Variants in VPS53 observed in about 807,000 individuals in gnomAD.
The protein encoded by VPS53 is vacuolar protein sorting-associated protein 53 homolog.
VPS53 carries 70 observed loss-of-function variants against 107.0 expected under a neutral mutation model. The ratio of observed to expected loss-of-function variants is 0.65; its 90% CI spans 0.54 to 0.80. VPS53 has a LOEUF of 0.80. VPS53 is among the 30% of genes least tolerant of loss of function. VPS53 has a pLI of 0.00. For synonymous variants in VPS53, 409 were observed against 393.3 expected (o/e 1.04, Z -0.47); for missense variants, 917 against 1,049.4 (o/e 0.87, Z 1.74).
intron 17 of VPS53, among the ~76,000 whole-genome samples, chr17:544,022 GC>G (rs1910972154): frequency 9.8e-6 from 1 of 101,872 alleles, no homozygotes; most frequent in East Asian, 4.2e-4. Flanking sequence ...AGTGAGGAAG[GC>G]AGGGAGGGAG....
chr17:682,409 C>G (rs1431029184), intron 4 of VPS53, among the ~76,000 whole-genome samples: 1 of 152,126 alleles, frequency 6.6e-6, no homozygotes. Context: ...TAAAGGTAAC[C>G]AAGCATCCTG....
intron 12 of VPS53, among the ~76,000 whole-genome samples, chr17:587,864 A>G (rs553300827): frequency 1.5e-3 from 234 of 152,282 alleles, no homozygotes; most frequent in Non-Finnish European, 2.3e-3. Context: ...TTGAGGTATG[A>G]TTGACATTTT....
intron 1 of VPS53, among the ~76,000 whole-genome samples, chr17:711,395 A>T (rs1223692088): frequency 6.6e-6 from 1 of 152,240 alleles, no homozygotes; most frequent in East Asian, 1.9e-4. Flanking sequence ...TAGAGTCAAA[A>T]AATCAAAATA....
intron 8 of VPS53, among the ~76,000 whole-genome samples, chr17:630,020 A>G (rs1186087247): frequency 6.6e-6 from 1 of 151,244 alleles, no homozygotes; most frequent in African/African-American, 2.4e-5. Context: ...GTGGCTGGGC[A>G]TGGTGGCTCA....
At chr17:591,744 T>C (rs905071262) in intron 12 of VPS53, among the ~76,000 whole-genome samples, 2 of 152,210 alleles carry the variant, frequency 1.3e-5, no homozygotes, top group Non-Finnish European at 2.9e-5. Flanking sequence ...GTCTGAGAGA[T>C]AGTTTGTTAT....
At chr17:671,706 C>A (rs1309324545) in intron 4 of VPS53, among the ~76,000 whole-genome samples, 1 of 138,684 alleles carries the variant, frequency 7.2e-6, no homozygotes, top group Non-Finnish European at 1.6e-5. Flanking sequence ...TTTCCCATGA[C>A]TTTTTTTTTT....
At chr17:591,250 C>T (rs1967630528) in intron 12 of VPS53, among the ~76,000 whole-genome samples, 1 of 152,144 alleles carries the variant, frequency 6.6e-6, no homozygotes, top group Non-Finnish European at 1.5e-5. Flanking sequence ...TTTATTGCAT[C>T]TATTTGATTC....
In VPS53 at chr17:518,284, CG is replaced by C. The variant is rs11397361; in HGVS notation, c.*843del. ...GAGAGCCCGCGGTGGACAGGAAGGG[CG>C]GGGGGGGCGGGCAGGCTGCGTGCCA... is the stretch of plus-strand genomic sequence containing the variant. On this transcript the variant is annotated 3_prime_UTR_variant, in exon 22 of 22. Transcript: ENST00000437048. 0.2 allele frequency: 25,363 copies of C among 125,756 alleles called. 4,544 individuals carry two copies. Among genetic ancestry groups the C allele is most frequent in the African/African-American group, 0.48 (18,085 of 37,640 alleles). 7.8% of individuals were successfully genotyped at this position (125,756 alleles called of 1,614,324 possible).
chr17:711,189 G>A (rs1404478126), intron 1 of VPS53, among the ~76,000 whole-genome samples: 2 of 152,148 alleles, frequency 1.3e-5, no homozygotes, highest in Non-Finnish European at 2.9e-5. Context: ...CAGCCTGGGC[G>A]ACAGAGTGAG....
At chr17:695,986 C>T (rs1219104812) in intron 4 of VPS53, among the ~76,000 whole-genome samples, 1 of 152,194 alleles carries the variant, frequency 6.6e-6, no homozygotes, top group Non-Finnish European at 1.5e-5. Context: ...TGTAGGACCC[C>T]TCTGAAGGTC....
intron 13 of VPS53, among the ~76,000 whole-genome samples, chr17:579,122 T>A (rs941102823): frequency 6.8e-6 from 1 of 146,690 alleles, no homozygotes; most frequent in Non-Finnish European, 1.5e-5. Context: ...CCAGAGAACA[T>A]CCCTCAGAAC....
At chr17:560,187 C>G (rs913860485) in intron 15 of VPS53, among the ~76,000 whole-genome samples, 1 of 152,212 alleles carries the variant, frequency 6.6e-6, no homozygotes, top group African/African-American at 2.4e-5. Flanking sequence ...GCTTACACAA[C>G]TCCAGGGAGG....
chr17:520,849 AC>A lies in VPS53; in HGVS notation c.2223+751del, dbSNP rs1343056199. ...TACATGAGCTGCTTCACCCTCACCT[AC>A]ATGAGCTCTTCACCCTCACCTACAT... On this transcript the variant is annotated intron_variant, in intron 20 of 21. Transcript: ENST00000437048. The surrounding 1 kb of genome is among the most constrained non-coding windows in gnomAD (Gnocchi z 4.4). 6.7e-6 allele frequency among the ~76,000 whole-genome samples: 1 copy of A among 149,984 alleles called. No individual in the cohort carries two copies. The highest frequency in any genetic ancestry group is 2.5e-5 in the African/African-American group (1 of 40,708).
intron 2 of VPS53, among the ~76,000 whole-genome samples, chr17:700,551 CAA>C (rs919689465): frequency 1.1e-4 from 17 of 150,488 alleles, no homozygotes; most frequent in African/African-American, 4.1e-4. Flanking sequence ...AACTCTGTCT[CAA>C]AAAAAAATAT....
intron 7 of VPS53, among the ~76,000 whole-genome samples, chr17:637,349 T>C (rs183189378): frequency 4.6e-4 from 70 of 152,318 alleles, no homozygotes; most frequent in African/African-American, 1.7e-3. Context: ...TCAATTTTGT[T>C]GATCCTTTCA....
chr17:618,767 TC>T (rs1969292851), intron 11 of VPS53, among the ~76,000 whole-genome samples: 1 of 149,382 alleles, frequency 6.7e-6, no homozygotes, highest in African/African-American at 2.5e-5. Flanking sequence ...CGCTAATATT[TC>T]CCGGGTAACT....
rs1908691499 is a variant in VPS53, at chr17:520,840, C to CCCTCACCTACATGAGCTGCTTCA, written c.2223+760_2223+761insTGAAGCAGCTCATGTAGGTGAGG. On this transcript the variant is annotated intron_variant, in intron 20 of 21. Coordinates refer to ENST00000437048, the MANE Select transcript of VPS53 (RefSeq NM_001128159.3). The surrounding 1 kb of genome is among the most constrained non-coding windows in gnomAD (Gnocchi z 4.4). ...ACCCTCACCTACATGAGCTGCTTCA[C>CCCTCACCTACATGAGCTGCTTCA]CCTCACCTACATGAGCTCTTCACCC... Among the ~76,000 whole-genome samples the CCCTCACCTACATGAGCTGCTTCA allele has an allele frequency of 1.3e-5, 2 of 150,294 alleles. No homozygotes were observed. Among genetic ancestry groups the CCCTCACCTACATGAGCTGCTTCA allele is most frequent in the East Asian group, 4.3e-4 (2 of 4,650 alleles).
At chr17:553,541 C>T in intron 15 of VPS53, 79 bp from the exon 16 acceptor site, 13 of 1,063,192 alleles carry the variant, frequency 1.2e-5, no homozygotes, top group Non-Finnish European at 1.8e-5. Flanking sequence ...TTAACATTTA[C>T]TGCGTTTGAT....
intron 15 of VPS53, among the ~76,000 whole-genome samples, chr17:556,752 C>T (rs888637667): frequency 1.3e-5 from 2 of 152,178 alleles, no homozygotes; most frequent in African/African-American, 4.8e-5. Flanking sequence ...ACAAAGTAGA[C>T]TTTCTGGCAT....
Sources: gnomAD v4.1 joint callset for allele counts (sites outside exome capture counted in the v4.1 genomes callset) on GRCh38, gnomAD v4.1.1 for gene constraint, Gnocchi (gnomAD v3.1) non-coding constraint, MANE v1.5 for transcripts, NCBI Gene and HGNC (gene_info 2026-07-23, HGNC 2026-07-21) for gene names.